Variants in CADM2 observed in about 807,000 individuals in gnomAD.
CADM2 encodes the protein cell adhesion molecule 2, also known as immunoglobulin superfamily member 4D.
A neutral mutation model predicts 49.8 loss-of-function variants in CADM2; 12 were observed. The ratio of observed to expected loss-of-function variants is 0.24; its 90% confidence interval spans 0.15 to 0.39. The LOEUF (loss-of-function observed/expected upper bound fraction) is 0.39, where lower values mean the gene tolerates loss of function less well. Among genes scored for constraint, CADM2 ranks in the 10% least tolerant of loss-of-function variants. The pLI, the probability that CADM2 is intolerant of heterozygous loss-of-function variation, is 1.00. For synonymous variants in CADM2, 214 were observed against 175.4 expected (o/e 1.22, Z -1.74); for missense variants, 378 against 492.3 (o/e 0.77, Z 2.20).
intron 1 of CADM2, among the ~76,000 whole-genome samples, chr3:85,421,831 C>T (rs190410836): frequency 9.5e-4 from 144 of 152,322 alleles, no homozygotes; most frequent in Admixed American, 2.8e-3. Flanking sequence ...GTAAATACAG[C>T]ATTCTGTTTA....
At chr3:85,209,475 TAAA>T (rs2041725725) in intron 1 of CADM2, among the ~76,000 whole-genome samples, 2 of 152,174 alleles carry the variant, frequency 1.3e-5, no homozygotes, top group African/African-American at 2.4e-5. Flanking sequence ...TTTATGTACT[TAAA>T]TATTTCTGTA....
intron 1 of CADM2, among the ~76,000 whole-genome samples, chr3:85,311,058 A>C (rs1025826007): frequency 1.3e-5 from 2 of 152,264 alleles, no homozygotes; most frequent in East Asian, 3.9e-4. Flanking sequence ...AACATCCAAA[A>C]GAAAATAACT....
intron 7 of CADM2, among the ~76,000 whole-genome samples, chr3:85,943,026 T>C (rs2108560132): frequency 6.6e-6 from 1 of 152,256 alleles, no homozygotes; most frequent in South Asian, 2.1e-4. Context: ...TGATTCCCAT[T>C]CTAACTGGTG....
chr3:85,259,565 A>G (rs967306129), intron 1 of CADM2, among the ~76,000 whole-genome samples: 2 of 152,244 alleles, frequency 1.3e-5, no homozygotes, highest in African/African-American at 4.8e-5. Flanking sequence ...AAACATTTAC[A>G]AACTTTATAT....
chr3:85,512,896 T>C (rs1309960590), intron 1 of CADM2, among the ~76,000 whole-genome samples: 1 of 152,096 alleles, frequency 6.6e-6, no homozygotes, highest in African/African-American at 2.4e-5. Context: ...ATATGGATTG[T>C]CTGTAAAATT....
At chr3:85,209,723 A>G (rs2041732863) in intron 1 of CADM2, among the ~76,000 whole-genome samples, 2 of 152,034 alleles carry the variant, frequency 1.3e-5, no homozygotes, top group African/African-American at 4.8e-5. Flanking sequence ...GTTGCTGCAC[A>G]CTGCAGGCGT....
chr3:85,498,786 A>G (rs999188072), intron 1 of CADM2, among the ~76,000 whole-genome samples: 4 of 152,160 alleles, frequency 2.6e-5, no homozygotes, highest in African/African-American at 7.2e-5. Flanking sequence ...CATTTTCCCA[A>G]TGAGCAATGG....
intron 8 of CADM2, among the ~76,000 whole-genome samples, chr3:85,967,513 A>T (rs1725620557): frequency 6.6e-6 from 1 of 151,590 alleles, no homozygotes; most frequent in African/African-American, 2.4e-5. Context: ...TGCTTTTAAA[A>T]TTTTCTTGCC....
chr3:85,966,873 A>G (rs1725542358), intron 8 of CADM2, among the ~76,000 whole-genome samples: 1 of 151,732 alleles, frequency 6.6e-6, no homozygotes, highest in Admixed American at 6.6e-5. Context: ...TATATAGAGA[A>G]TAGGATACGT....
chr3:85,661,177 T>C (rs1438946686), intron 1 of CADM2, among the ~76,000 whole-genome samples: 1 of 152,106 alleles, frequency 6.6e-6, no homozygotes, highest in African/African-American at 2.4e-5. Flanking sequence ...TCTGATTTAA[T>C]AAATAACATC....
intron 1 of CADM2, among the ~76,000 whole-genome samples, chr3:85,421,382 T>A (rs1473495993): frequency 6.6e-6 from 1 of 152,170 alleles, no homozygotes; most frequent in Non-Finnish European, 1.5e-5. Flanking sequence ...TATTTAGGAA[T>A]GAATTTAAAT....
chr3:85,536,276 G>A (rs1441185584), intron 1 of CADM2, among the ~76,000 whole-genome samples: 4 of 151,910 alleles, frequency 2.6e-5, no homozygotes, highest in Admixed American at 6.6e-5. Context: ...TCATACCTGA[G>A]ATTCGTTAGG....
intron 1 of CADM2, among the ~76,000 whole-genome samples, chr3:85,052,564 T>C (rs2107411553): frequency 6.6e-6 from 1 of 152,162 alleles, no homozygotes; most frequent in Admixed American, 6.6e-5. Flanking sequence ...ACAGAAGTAC[T>C]AATTTTACAG....
intron 1 of CADM2, among the ~76,000 whole-genome samples, chr3:85,645,192 A>G (rs1282537527): frequency 6.6e-6 from 1 of 152,140 alleles, no homozygotes; most frequent in Non-Finnish European, 1.5e-5. Flanking sequence ...TAAAAATTGT[A>G]TCTCATAAGT....
intron 3 of CADM2, among the ~76,000 whole-genome samples, chr3:85,874,012 A>G (rs1011086539): frequency 2.0e-5 from 3 of 152,004 alleles, no homozygotes; most frequent in Non-Finnish European, 4.4e-5. Flanking sequence ...ATAGAAAATT[A>G]TGGACTATTG....
At chr3:85,756,268 T>C (rs1274448981) in intron 2 of CADM2, among the ~76,000 whole-genome samples, 2 of 152,122 alleles carry the variant, frequency 1.3e-5, no homozygotes, top group Admixed American at 1.3e-4. Context: ...GCTCGAATAA[T>C]GTCATCATCA....
chr3:85,516,730 G>A (rs892060008), intron 1 of CADM2, among the ~76,000 whole-genome samples: 2 of 151,956 alleles, frequency 1.3e-5, no homozygotes, highest in Non-Finnish European at 2.9e-5. Flanking sequence ...TATAAGAAAG[G>A]TAGTTCAACT....
At chr3:85,964,561 T>G (rs1259687329) in intron 8 of CADM2, among the ~76,000 whole-genome samples, 3 of 151,834 alleles carry the variant, frequency 2.0e-5, no homozygotes, top group Non-Finnish European at 4.4e-5. Flanking sequence ...GAAACACTGG[T>G]GATTCCCCCA....
chr3:86,044,087 A>G, intron 8 of CADM2, among the ~76,000 whole-genome samples: 1 of 152,254 alleles, frequency 6.6e-6, no homozygotes, highest in East Asian at 1.9e-4. Context: ...CTTACATGTT[A>G]GACCTAAAAC....
Sources: allele counts gnomAD v4.1 joint callset (sites outside exome capture counted in the v4.1 genomes callset), GRCh38; gene constraint gnomAD v4.1.1; transcripts MANE v1.5; gene names NCBI Gene and HGNC (gene_info 2026-07-23, HGNC 2026-07-21).